Variants in BLTP3A observed in about 807,000 individuals in gnomAD.
BLTP3A encodes the protein bridge-like lipid transfer protein family member 3A.
At chr6:34,853,270 A>C in the BLTP3A span, among the ~76,000 whole-genome samples, 1 of 152,104 alleles carries the variant, frequency 6.6e-6, no homozygotes. Context: ...GCAAACTCTC[A>C]GGCTCAGGGG....
chr6:34,831,208 A>C, the BLTP3A span, among the ~76,000 whole-genome samples: 4,028 of 151,678 alleles, frequency 0.027, 96 homozygotes, highest in Non-Finnish European at 0.041. Context: ...GCTCACTGCA[A>C]CCTCCACCTC....
chr6:34,851,124 C>T, the BLTP3A span, among the ~76,000 whole-genome samples: 2 of 152,220 alleles, frequency 1.3e-5, no homozygotes, highest in Admixed American at 1.3e-4. Context: ...TTCTCTGTTA[C>T]TCCAGGTTTG....
At chr6:34,841,692 C>G in the BLTP3A span, among the ~76,000 whole-genome samples, 5 of 152,094 alleles carry the variant, frequency 3.3e-5, no homozygotes, top group Admixed American at 3.3e-4. Flanking sequence ...GTGAAATGAT[C>G]GGAAACTGGA....
At chr6:34,869,300 C>A in the BLTP3A span, among the ~76,000 whole-genome samples, 4 of 152,072 alleles carry the variant, frequency 2.6e-5, no homozygotes, top group Non-Finnish European at 5.9e-5. Flanking sequence ...CCATGCCTGG[C>A]CCCACCACCT....
chr6:34,797,077 T>C, the BLTP3A span, among the ~76,000 whole-genome samples: 1 of 152,100 alleles, frequency 6.6e-6, no homozygotes, highest in African/African-American at 2.4e-5. Context: ...TTTTGGCGCA[T>C]TGGGGATAAA....
chr6:34,869,878 A>G, the BLTP3A span, among the ~76,000 whole-genome samples: 10 of 152,044 alleles, frequency 6.6e-5, no homozygotes, highest in East Asian at 1.9e-3. Context: ...TGAACTCCTG[A>G]ACTCAAGTGA....
chr6:34,841,692 C>T, the BLTP3A span, among the ~76,000 whole-genome samples: 8 of 152,094 alleles, frequency 5.3e-5, no homozygotes, highest in Non-Finnish European at 7.4e-5. Context: ...GTGAAATGAT[C>T]GGAAACTGGA....
the BLTP3A span, among the ~76,000 whole-genome samples, chr6:34,848,642 T>C: frequency 6.6e-6 from 1 of 152,232 alleles, no homozygotes; most frequent in East Asian, 1.9e-4. Flanking sequence ...TCCGTCTCTT[T>C]TTTTAGTTTT....
the BLTP3A span, chr6:34,835,186 A>C: frequency 8.4e-7 from 1 of 1,192,246 alleles, no homozygotes; most frequent in Non-Finnish European, 1.2e-6. Flanking sequence ...TGATACTTTC[A>C]CATATTGGAG....
the BLTP3A span, chr6:34,836,165 C>T: frequency 1.3e-5 from 21 of 1,613,922 alleles, no homozygotes; most frequent in Non-Finnish European, 1.4e-5. Context: ...GATCACTCCA[C>T]CAGCCCCCAG....
At chr6:34,854,709 G>A in the BLTP3A span, among the ~76,000 whole-genome samples, 1 of 152,110 alleles carries the variant, frequency 6.6e-6, no homozygotes, top group Non-Finnish European at 1.5e-5. Context: ...GCAAAATGTC[G>A]ATTGGATGGA....
chr6:34,849,123 T>C, the BLTP3A span, among the ~76,000 whole-genome samples: 1 of 152,044 alleles, frequency 6.6e-6, no homozygotes, highest in African/African-American at 2.4e-5. Flanking sequence ...CTCAGCCTCC[T>C]GAGTAGCTGG....
chr6:34,859,020 C>G, the BLTP3A span: 1 of 1,614,194 alleles, frequency 6.2e-7, no homozygotes, highest in South Asian at 1.1e-5. Flanking sequence ...ATCCTGCACC[C>G]GGTGCTGTCG....
chr6:34,822,084 T>C, the BLTP3A span: 1 of 1,122,244 alleles, frequency 8.9e-7, no homozygotes, highest in South Asian at 1.4e-5. Flanking sequence ...CCTGTGAGCT[T>C]CTCTCTGAGA....
At chr6:34,865,664 C>T in the BLTP3A span, among the ~76,000 whole-genome samples, 2 of 152,178 alleles carry the variant, frequency 1.3e-5, no homozygotes, top group Non-Finnish European at 1.5e-5. Flanking sequence ...GCTAGGGTTT[C>T]CTTTTCTCTA....
the BLTP3A span, chr6:34,859,610 T>C: frequency 6.2e-7 from 1 of 1,601,844 alleles, no homozygotes; most frequent in Non-Finnish European, 8.5e-7. Flanking sequence ...TCCCATCTCC[T>C]TCTCCTAGTT....
At chr6:34,856,397 C>G in the BLTP3A span, 1 of 1,613,884 alleles carries the variant, frequency 6.2e-7, no homozygotes. Flanking sequence ...CTCTCTCTTT[C>G]GGAGAAAAGC....
the BLTP3A span, chr6:34,835,374 C>T: frequency 1.9e-6 from 3 of 1,614,104 alleles, no homozygotes; most frequent in South Asian, 3.3e-5. Flanking sequence ...ACTCACAGCT[C>T]AAGGCTATGA....
the BLTP3A span, among the ~76,000 whole-genome samples, chr6:34,800,770 GAT>G: frequency 2.6e-4 from 39 of 152,218 alleles, no homozygotes; most frequent in Non-Finnish European, 4.6e-4. Flanking sequence ...ACAAAAATAA[GAT>G]ATATTTATAT....
Sources: gnomAD v4.1 joint callset for allele counts (sites outside exome capture counted in the v4.1 genomes callset) on GRCh38, gnomAD v4.1.1 for gene constraint, MANE v1.5 for transcripts, NCBI Gene and HGNC (gene_info 2026-07-23, HGNC 2026-07-21) for gene names.